UCP3: variants seen among roughly 807,000 people sequenced by gnomAD.
UCP3 encodes the protein uncoupling protein 3.
In UCP3, 24 loss-of-function variants were observed where a neutral mutation model predicts 28.1. That is an observed-to-expected ratio of 0.85 (90% CI 0.62 to 1.20). UCP3 has a LOEUF of 1.20. Among genes scored for constraint, UCP3 ranks in the 50% most tolerant of loss-of-function variants. The probability of loss-of-function intolerance (pLI) is 0.00; values close to 1 mark genes in which losing one functional copy is unlikely to be tolerated. For synonymous variants in UCP3, 184 were observed against 171.2 expected (o/e 1.07, Z -0.59); for missense variants, 397 against 422.2 (o/e 0.94, Z 0.52).
chr11:74,002,465 A>C (rs1951628978), intron 6 of UCP3, among the ~76,000 whole-genome samples: 1 of 152,172 alleles, frequency 6.6e-6, no homozygotes, highest in Non-Finnish European at 1.5e-5. Context: ...CACATCACTT[A>C]ATCTTTCTAA....
At chr11:74,003,018 A>C (rs1030778777) in intron 6 of UCP3, 1 of 872,020 alleles carries the variant, frequency 1.1e-6, no homozygotes, top group African/African-American at 1.8e-5. Flanking sequence ...AAGTTACTTA[A>C]CTTTTCTGAC....
chr11:74,001,496 G>A lies in UCP3; in HGVS notation c.855C>T (p.Ser285=), dbSNP rs995404952. The stretch of plus-strand genomic sequence containing the variant: ...AGGTTACGAACATCACCACGTTCCA[G>A]GATCCCAAACGCAAAAAGGAGGGTG... ...GFTPSFLRLG[S]WNVVMFVTYE... is the part of the protein sequence containing the mutation. Residue 285 remains serine (S), a synonymous_variant, in exon 7 of 7, where the codon TCC becomes TCT. Transcript: ENST00000314032. 3 of 1,613,960 alleles carry A rather than the reference G, an allele frequency of 1.9e-6. No homozygotes were observed. Among genetic ancestry groups the A allele is most frequent in the Admixed American group, 3.3e-5 (2 of 59,986 alleles).
At position 74,006,911 on chromosome 11, in the gene UCP3, A is replaced by G; in HGVS notation, c.126+6T>C. 1 of 1,614,166 alleles carries G rather than the reference A, an allele frequency of 6.2e-7. No homozygotes were observed. The highest frequency in any genetic ancestry group is 8.5e-7 in the Non-Finnish European group (1 of 1,180,016). ...GATCAATGACCCTTGGCCAAAGGGC[A>G]CCTACCTGCAGGCGGACCTTGGCTG... On this transcript the variant is annotated splice_donor_region_variant and intron_variant, in intron 2 of 6. Coordinates refer to ENST00000314032, the MANE Select transcript of UCP3 (RefSeq NM_003356.4).
Position 74,006,295 on chromosome 11 carries a change from T to G in UCP3, c.211A>C (p.Thr71Pro), listed in dbSNP as rs143786748. The change falls in exon 3 of 7, where the codon ACT becomes CCT. Residue 71 changes from threonine to proline, a missense_variant. Transcript: ENST00000314032. ...VLGTILTMVR[T>P]EGPCSPYNGL... ...TTGTAGGGGCTGCAGGGACCCTCAG[T>G]CCGCACCATGGTCAGGATGGTGCCC... 2.9e-4 allele frequency: 474 copies of G among 1,612,064 alleles called. No homozygotes were observed. In the Middle Eastern group the frequency reaches 3.0e-3, roughly 10 times the overall value.
chr11:74,005,666 T>A (rs1003113012), intron 4 of UCP3, 64 bp downstream of exon 4: 10 of 1,584,448 alleles, frequency 6.3e-6, no homozygotes, highest in Non-Finnish European at 8.6e-6. Context: ...CTGGGGTCCC[T>A]GCCCCAGCCT....
chr11:74,008,549 C>T (rs868393745), intron 1 of UCP3, among the ~76,000 whole-genome samples: 1 of 152,192 alleles, frequency 6.6e-6, no homozygotes, highest in Non-Finnish European at 1.5e-5. Context: ...TGGACCACGC[C>T]TCAGGTCAGA....
intron 5 of UCP3, 125 bp from the exon 6 acceptor site, chr11:74,004,132 C>CA: frequency 6.7e-7 from 1 of 1,485,598 alleles, no homozygotes; most frequent in Non-Finnish European, 9.1e-7. Context: ...ATATCTCTCA[C>CA]AGTGCCCTGG....
rs916858003 is a variant in UCP3, at chr11:74,001,313, CAT to C, written c.*97_*98del. The C allele has an allele frequency of 3.3e-5, 36 of 1,099,644 alleles. No individual in the cohort carries two copies. The Admixed American group carries it at 4.7e-4, about 14-fold the overall frequency. 68.1% of individuals were successfully genotyped at this position (1,099,644 alleles called of 1,614,324 possible). On this transcript the variant is annotated 3_prime_UTR_variant, in exon 7 of 7. Coordinates refer to ENST00000314032, the MANE Select transcript of UCP3 (RefSeq NM_003356.4). ...AACAAGTAAACAACAGTTCTGTAAA[CAT>C]GTGTGGGTCTGTGTCCATGTGTGCG...
rs749496001 is a variant in UCP3 at position 74,006,132 on chromosome 11, A to G, written c.337+37T>C. On this transcript the variant is annotated intron_variant, in intron 3 of 6. Coordinates refer to ENST00000314032, the MANE Select transcript of UCP3 (RefSeq NM_003356.4). ...CTGGTCTCTTGACCCACACACTTTC[A>G]GCCACCCCTTTGGTGTTCAGGGACC... The G allele has an allele frequency of 4.3e-6, 7 of 1,611,524 alleles. No individual in the cohort carries two copies. In the Admixed American group the frequency reaches 1.2e-4, roughly 27 times the overall value.
intron 3 of UCP3, 52 bp downstream of exon 3, chr11:74,006,117 G>T: frequency 6.2e-7 from 1 of 1,605,870 alleles, no homozygotes; most frequent in South Asian, 1.1e-5. Context: ...CTGGTCTCTT[G>T]ACCCACACAC....
At position 74,004,572 on chromosome 11, in the gene UCP3, G is replaced by A. The variant is rs1443403330; in HGVS notation, c.555C>T (p.Asn185=). The change falls in exon 5 of 7, where the codon AAC becomes AAT. Residue 185 remains asparagine (N), a synonymous_variant. Coordinates refer to ENST00000314032, the MANE Select transcript of UCP3 (RefSeq NM_003356.4). Reference sequence around the variant, plus strand: ...AGTTGACGATAGCATTCCTCATGATGTTGGGCAAAGTTCCTGTTAGGAAGG... The same window carrying A: ...AGTTGACGATAGCATTCCTCATGATATTGGGCAAAGTTCCTGTTAGGAAGG... The part of the protein sequence containing the change: ...VRGLWKGTLP[N]IMRNAIVNCA... The A allele has an allele frequency of 6.2e-7, 1 of 1,613,682 alleles. No individual in the cohort carries two copies. The highest frequency in any genetic ancestry group is 1.1e-5 in the South Asian group (1 of 91,054).
chr11:74,001,591 C>T (rs1951622220), intron 6 of UCP3, 65 bp from the exon 7 acceptor site: 1 of 1,415,906 alleles, frequency 7.1e-7, no homozygotes, highest in Non-Finnish European at 1.0e-6. Context: ...TGCGTGTGCT[C>T]TCCCGGGACA....
At chr11:74,005,021 A>G (rs1405184726) in intron 4 of UCP3, among the ~76,000 whole-genome samples, 2 of 152,236 alleles carry the variant, frequency 1.3e-5, no homozygotes, top group African/African-American at 4.8e-5. Flanking sequence ...TTCACAGGTA[A>G]GGGGACAAGC....
In UCP3 at chr11:74,005,749, T is replaced by C; in HGVS notation, c.522A>G (p.Gly174=). 6.2e-7 allele frequency: 1 copy of C among 1,614,150 alleles called. No individual in the cohort carries two copies. Residue 174 remains glycine (G), a synonymous_variant, in exon 4 of 7, where the codon GGA becomes GGG. Transcript: ENST00000314032. ...ACCTACCTTTCCACAGGCCCCTGAC[T>C]CCTTCCTCCCTGGCGATGGTTCTGT... ...DAYRTIAREE[G]VRGLWKGTLP... is the part of the protein sequence containing the mutation.
At position 74,006,339 on chromosome 11, in the gene UCP3, A is replaced by G. The variant is rs150016118; in HGVS notation, c.167T>C (p.Val56Ala). ...GGTGCCCAGCACGCCACGGTACTGC[A>G]CGAGCCGGGCCGTCTGGACCGCCTG... The part of the protein sequence containing the change: ...ENQAVQTARL[V>A]QYRGVLGTIL... The change falls in exon 3 of 7, where the codon GTG becomes GCG. Residue 56 changes from valine to alanine, a missense_variant. Transcript: ENST00000314032. 18 of 1,593,740 alleles carry G rather than the reference A, an allele frequency of 1.1e-5. No individual in the cohort carries two copies. The African/African-American group carries it at 1.9e-4, about 17-fold the overall frequency.
At chr11:74,001,673 C>CT in intron 6 of UCP3, 147 bp from the exon 7 acceptor site, 2 of 707,326 alleles carry the variant, frequency 2.8e-6, no homozygotes, top group Non-Finnish European at 4.8e-6. Context: ...GTCTCTCTCT[C>CT]TCTTTTTTTT....
intron 1 of UCP3, 111 bp from the exon 2 acceptor site, chr11:74,007,248 T>C (rs979181746): frequency 1.6e-6 from 1 of 634,850 alleles, no homozygotes; most frequent in Non-Finnish European, 2.7e-6. Context: ...GGTGGTGCCA[T>C]ACTTAAGCTG....
In UCP3 at chr11:74,003,939, C is replaced by T. The variant is rs139398702; in HGVS notation, c.712G>A (p.Val238Met). The T allele has an allele frequency of 6.2e-6, 10 of 1,614,014 alleles. No individual in the cohort carries two copies. The African/African-American group carries it at 1.1e-4, about 17-fold the overall frequency. ...GFCATVVASP[V>M]DVVKTRYMNS... Reference sequence around the variant, plus strand: ...ATATACCGGGTCTTCACCACGTCCACCGGGGAGGCCACCACTGTGGCACAG... The same window carrying T: ...ATATACCGGGTCTTCACCACGTCCATCGGGGAGGCCACCACTGTGGCACAG... The change falls in exon 6 of 7, where the codon GTG becomes ATG. Residue 238 changes from valine (V) to methionine (M), a missense_variant. Transcript: ENST00000314032.
At position 74,004,472 on chromosome 11, in the gene UCP3, C is replaced by T. The variant is rs756249489; in HGVS notation, c.643+12G>A. 3 of 1,613,844 alleles carry T rather than the reference C, an allele frequency of 1.9e-6. No homozygotes were observed. The highest frequency in any genetic ancestry group is 2.5e-6 in the Non-Finnish European group (3 of 1,179,780). ...TGAGGGAGAGCTGCCTGCCTGGAGC[C>T]CAGGGCCTCACCAGTGAGCAGGTGG... is the stretch of plus-strand genomic sequence containing the variant. On this transcript the variant is annotated intron_variant, in intron 5 of 6. Transcript: ENST00000314032.
Sources: gnomAD v4.1 joint callset for allele counts (sites outside exome capture counted in the v4.1 genomes callset) on GRCh38, gnomAD v4.1.1 for gene constraint, MANE v1.5 for transcripts, NCBI Gene and HGNC (gene_info 2026-07-23, HGNC 2026-07-21) for gene names.